The following MYOF variants were observed in gnomAD, a reference collection of about 807,000 sequenced individuals.
MYOF encodes fer-1-like 3, myoferlin.
Under a neutral mutation model 284.2 loss-of-function variants are expected in MYOF, and 244 were observed. The observed-to-expected ratio is 0.86, with a 90% confidence interval of 0.77 to 0.95. MYOF has a LOEUF of 0.95. Among genes scored for constraint, MYOF ranks in the 40% least tolerant of loss-of-function variants. The pLI, the probability that MYOF is intolerant of heterozygous loss-of-function variation, is 0.00. For missense variants in MYOF, 2,496 were observed against 2,560.6 expected (o/e 0.97, Z 0.54); for synonymous variants, 904 against 919.7 (o/e 0.98, Z 0.31).
intron 3 of MYOF, among the ~76,000 whole-genome samples, chr10:93,435,459 A>G (rs2134235107): frequency 6.6e-6 from 1 of 152,332 alleles, no homozygotes; most frequent in South Asian, 2.1e-4. Flanking sequence ...AAACTGCCCC[A>G]GGTTGAAAAC....
intron 3 of MYOF, among the ~76,000 whole-genome samples, chr10:93,446,636 C>G (rs1002525193): frequency 1.3e-5 from 2 of 152,116 alleles, no homozygotes; most frequent in African/African-American, 4.8e-5. Context: ...GAAAAAGTAA[C>G]CAAGACCAGC....
At chr10:93,473,440 G>A (rs1202539906) in intron 1 of MYOF, among the ~76,000 whole-genome samples, 1 of 152,234 alleles carries the variant, frequency 6.6e-6, no homozygotes, top group Non-Finnish European at 1.5e-5. Context: ...TGGATGTAGA[G>A]TCAAGACCCA....
chr10:93,354,702 T>TCTCTCTCTCTCTCTCTCTCTCTCTCTCTC (rs1491377561), intron 31 of MYOF, among the ~76,000 whole-genome samples: 70 of 149,824 alleles, frequency 4.7e-4, no homozygotes, highest in Non-Finnish European at 8.3e-4. Context: ...TCTCTCTCTC[T>TCTCTCTCTCTCTCTCTCTCTCTCTCTCTC]TTGTGAGATA....
chr10:93,479,570 A>G (rs557828676), intron 1 of MYOF, among the ~76,000 whole-genome samples: 1 of 152,174 alleles, frequency 6.6e-6, no homozygotes, highest in South Asian at 2.1e-4. Flanking sequence ...TGCATTTCAC[A>G]TCTTGCTGAG....
intron 43 of MYOF, among the ~76,000 whole-genome samples, chr10:93,332,689 CAA>C (rs756133027): frequency 1.3e-5 from 2 of 151,274 alleles, no homozygotes; most frequent in Non-Finnish European, 3.0e-5. Flanking sequence ...ACTAAAAATA[CAA>C]AAAAAATTAG....
chr10:93,321,670 G>C (rs886543963), intron 48 of MYOF, among the ~76,000 whole-genome samples: 1 of 151,840 alleles, frequency 6.6e-6, no homozygotes, highest in Admixed American at 6.6e-5. Flanking sequence ...TCCTACCCTA[G>C]ACTGCTCACC....
chr10:93,470,343 C>T (rs754697234), intron 1 of MYOF, among the ~76,000 whole-genome samples: 1 of 152,010 alleles, frequency 6.6e-6, no homozygotes, highest in African/African-American at 2.4e-5. Context: ...AGCCAGTAAA[C>T]CATCACCATC....
intron 3 of MYOF, among the ~76,000 whole-genome samples, chr10:93,432,926 TAGTTG>T (rs981552241): frequency 2.6e-5 from 4 of 152,178 alleles, no homozygotes; most frequent in African/African-American, 9.6e-5. Flanking sequence ...AACATTTTTA[TAGTTG>T]GGGAACATGA....
At chr10:93,397,169 A>G in intron 15 of MYOF, 78 bp downstream of exon 15, 2 of 1,266,954 alleles carry the variant, frequency 1.6e-6, no homozygotes, top group Non-Finnish European at 2.2e-6. Flanking sequence ...TACCAGAAAG[A>G]GACAATCCAG....
At chr10:93,366,042 C>T (rs1014132048) in intron 26 of MYOF, among the ~76,000 whole-genome samples, 8 of 148,822 alleles carry the variant, frequency 5.4e-5, no homozygotes, top group South Asian at 2.1e-4. Context: ...GTGAAACTGA[C>T]GGGGGACCTT....
chr10:93,355,782 C>T, intron 30 of MYOF, 46 bp from the exon 31 acceptor site: 3 of 1,458,250 alleles, frequency 2.1e-6, no homozygotes, highest in Non-Finnish European at 2.9e-6. Context: ...TCAATAAACA[C>T]TGCCTAAAAG....
chr10:93,468,950 A>G (rs779713823), intron 1 of MYOF, among the ~76,000 whole-genome samples: 27 of 152,212 alleles, frequency 1.8e-4, no homozygotes, highest in Non-Finnish European at 3.2e-4. Context: ...CAAAGGACCA[A>G]GCATCCCAAG....
chr10:93,349,312 G>C (rs180895673), intron 36 of MYOF, among the ~76,000 whole-genome samples: 12 of 152,312 alleles, frequency 7.9e-5, no homozygotes, highest in Middle Eastern at 3.4e-3. Context: ...ATGGACCAAA[G>C]AAGGTGCCAT....
intron 5 of MYOF, among the ~76,000 whole-genome samples, chr10:93,411,647 AG>A (rs1847905421): frequency 6.6e-6 from 1 of 152,154 alleles, no homozygotes; most frequent in African/African-American, 2.4e-5. Context: ...TCCCAAAGTG[AG>A]GAAGAGGCAG....
In MYOF at chr10:93,310,589, G is replaced by A. The variant is rs1390833087; in HGVS notation, c.5944C>T (p.Pro1982Ser). ...ILNEKEADER[P>S]AGKGRDEPNM... ...GGTTCGTCCCGCCCCTTCCCGGCTGGCCTCTCGTCGGCCTCCTTCTCGTTG... is the reference window on the plus strand; with the variant it reads ...GGTTCGTCCCGCCCCTTCCCGGCTGACCTCTCGTCGGCCTCCTTCTCGTTG... The change falls in exon 52 of 54, where the codon CCA (proline) becomes TCA (serine). Residue 1982 changes from proline (P) to serine (S), a missense_variant. Physicochemically the swap from Pro to Ser is moderately conservative, Grantham distance 74 (BLOSUM62 -1). Coordinates refer to ENST00000359263, the MANE Select transcript of MYOF (RefSeq NM_013451.4). 2 of 1,613,480 alleles carry A rather than the reference G, an allele frequency of 1.2e-6. No individual in the cohort carries two copies. Among genetic ancestry groups the A allele is most frequent in the Non-Finnish European group, 8.5e-7 (1 of 1,179,720 alleles).
At chr10:93,458,335 A>G (rs2056793931) in intron 1 of MYOF, among the ~76,000 whole-genome samples, 1 of 152,100 alleles carries the variant, frequency 6.6e-6, no homozygotes, top group Admixed American at 6.5e-5. Flanking sequence ...CCTGGGAAAC[A>G]AAGCAAGACC....
At position 93,310,570 on chromosome 10, in the gene MYOF, T is replaced by C. The variant is rs368622319; in HGVS notation, c.5963A>G (p.Asp1988Gly). The change falls in exon 52 of 54, where the codon GAC becomes GGC. Residue 1988 changes from aspartate (D) to glycine (G), a missense_variant. Around this residue, in one of 3 missense-constraint regions of MYOF, gnomAD observed 2,436 missense variants for 2,480.7 expected, o/e 0.98. Coordinates refer to ENST00000359263, the MANE Select transcript of MYOF (RefSeq NM_013451.4). ...ADERPAGKGR[D>G]EPNMNPKLDL... ...CAGCTTGGGGTTCATGTTGGGTTCG[T>C]CCCGCCCCTTCCCGGCTGGCCTCTC... 8.7e-5 allele frequency: 140 copies of C among 1,613,766 alleles called. No homozygotes were observed. The African/African-American group carries it at 1.7e-3, about 19-fold the overall frequency.
chr10:93,453,781 A>G (rs1487955358), intron 2 of MYOF, among the ~76,000 whole-genome samples: 1 of 152,084 alleles, frequency 6.6e-6, no homozygotes, highest in Non-Finnish European at 1.5e-5. Context: ...GCTGCTTGGG[A>G]GGCTGAGTGG....
chr10:93,389,223 A>G (rs1028744388), intron 17 of MYOF, 69 bp from the exon 18 acceptor site: 135 of 1,505,056 alleles, frequency 9.0e-5, no homozygotes, highest in Middle Eastern at 7.0e-4. Flanking sequence ...AATATTAGTT[A>G]TTAGTTAGTT....
Sources: gnomAD v4.1 joint callset for allele counts (sites outside exome capture counted in the v4.1 genomes callset) on GRCh38, gnomAD v4.1.1 for gene constraint, gnomAD v4.1.1 regional missense constraint, MANE v1.5 for transcripts, NCBI Gene and HGNC (gene_info 2026-07-23, HGNC 2026-07-21) for gene names.